The following ALMS1 variants were observed in gnomAD, a reference collection of about 807,000 sequenced individuals.
ALMS1 encodes the protein centrosome-associated protein ALMS1.
Under a neutral mutation model 352.2 loss-of-function variants are expected in ALMS1, and 271 were observed. The ratio of observed to expected loss-of-function variants is 0.77; its 90% CI spans 0.70 to 0.85. The LOEUF (loss-of-function observed/expected upper bound fraction) is 0.85, where lower values mean the gene tolerates loss of function less well. ALMS1 is among the 40% of genes least tolerant of loss of function. The pLI is 0.00. For synonymous variants in ALMS1, 1,865 were observed against 1,761.2 expected (o/e 1.06, Z -1.48); for missense variants, 5,445 against 4,870.7 (o/e 1.12, Z -3.51).
At chr2:73,408,813 T>G (rs1671021771) in intron 2 of ALMS1, 66 bp downstream of exon 2, 1 of 1,482,294 alleles carries the variant, frequency 6.7e-7, no homozygotes, top group African/African-American at 1.4e-5. Flanking sequence ...CTGATTTAGC[T>G]ATGAAGAATG....
chr2:73,440,117 A>T (rs1199462831), intron 7 of ALMS1, among the ~76,000 whole-genome samples: 1 of 152,036 alleles, frequency 6.6e-6, no homozygotes, highest in Non-Finnish European at 1.5e-5. Flanking sequence ...AGTAGCTGGG[A>T]TTACAGGTGT....
chr2:73,593,948 T>C (rs1675491337), intron 16 of ALMS1, among the ~76,000 whole-genome samples: 1 of 152,254 alleles, frequency 6.6e-6, no homozygotes, highest in African/African-American at 2.4e-5. Flanking sequence ...TTCCATTCTA[T>C]GAATATACCA....
At chr2:73,595,441 T>A (rs1322888301) in intron 16 of ALMS1, among the ~76,000 whole-genome samples, 1 of 152,218 alleles carries the variant, frequency 6.6e-6, no homozygotes, top group Non-Finnish European at 1.5e-5. Context: ...AACATCATGA[T>A]TTCAAGGTTC....
chr2:73,512,237 A>G (rs552354286), intron 10 of ALMS1, among the ~76,000 whole-genome samples: 1 of 152,094 alleles, frequency 6.6e-6, no homozygotes, highest in Admixed American at 6.6e-5. Context: ...GGTGCGTACC[A>G]CCACGCCTAG....
chr2:73,386,426 C>A (rs970384610), intron 1 of ALMS1, among the ~76,000 whole-genome samples: 1 of 152,098 alleles, frequency 6.6e-6, no homozygotes, highest in Non-Finnish European at 1.5e-5. Context: ...GCCTTTTGAA[C>A]TCCCGTAGAC....
At chr2:73,529,003 G>A (rs984436059) in intron 11 of ALMS1, among the ~76,000 whole-genome samples, 1 of 139,010 alleles carries the variant, frequency 7.2e-6, no homozygotes, top group African/African-American at 2.7e-5. Flanking sequence ...TTCTTTCTCT[G>A]TGTCATCTTG....
intron 21 of ALMS1, chr2:73,603,579 G>A: frequency 2.5e-6 from 1 of 401,270 alleles, no homozygotes; most frequent in Non-Finnish European, 4.7e-6. Flanking sequence ...AATATTTTAG[G>A]CCAGGTACGG....
At chr2:73,608,991 T>C (rs1675883054) in intron 22 of ALMS1, among the ~76,000 whole-genome samples, 1 of 152,236 alleles carries the variant, frequency 6.6e-6, no homozygotes, top group Non-Finnish European at 1.5e-5. Context: ...TCCACTTGGA[T>C]GGTCAGAGGC....
chr2:73,471,259 A>T (rs1211353699), intron 9 of ALMS1, among the ~76,000 whole-genome samples: 6 of 142,532 alleles, frequency 4.2e-5, no homozygotes, highest in Non-Finnish European at 3.1e-5. Context: ...TTCTATAGGT[A>T]TTTTCTTTGT....
intron 16 of ALMS1, among the ~76,000 whole-genome samples, chr2:73,576,626 T>A (rs1383098900): frequency 1.1e-4 from 7 of 65,370 alleles, no homozygotes; most frequent in African/African-American, 7.0e-4. Context: ...TTCTTTTTCT[T>A]TTTTTTTTTT....
chr2:73,561,427 C>G (rs1674660809), intron 15 of ALMS1, among the ~76,000 whole-genome samples: 1 of 152,174 alleles, frequency 6.6e-6, no homozygotes, highest in African/African-American at 2.4e-5. Flanking sequence ...CTGTTGCTGC[C>G]TCTGGGACAA....
chr2:73,426,383 C>T, intron 5 of ALMS1, 70 bp from the exon 6 acceptor site: 1 of 1,498,318 alleles, frequency 6.7e-7, no homozygotes, highest in Non-Finnish European at 9.3e-7. Flanking sequence ...AGGTGAAAGT[C>T]CTTCGTGTGT....
intron 18 of ALMS1, 69 bp downstream of exon 18, chr2:73,600,950 C>T (rs1166667385): frequency 7.8e-6 from 12 of 1,534,154 alleles, no homozygotes; most frequent in Non-Finnish European, 9.8e-6. Flanking sequence ...GATGCTGACT[C>T]TGTGTTTCCA....
At chr2:73,504,149 A>G (rs1228653759) in intron 10 of ALMS1, among the ~76,000 whole-genome samples, 1 of 152,192 alleles carries the variant, frequency 6.6e-6, no homozygotes, top group East Asian at 1.9e-4. Flanking sequence ...CAGCTTCCCC[A>G]TTGATAATGT....
At chr2:73,578,210 T>G (rs1238821194) in intron 16 of ALMS1, among the ~76,000 whole-genome samples, 1 of 152,178 alleles carries the variant, frequency 6.6e-6, no homozygotes, top group Non-Finnish European at 1.5e-5. Flanking sequence ...AGCTCTCTTT[T>G]GGGTAACTAT....
rs1325950841 is a variant in ALMS1 at position 73,426,517 on chromosome 2, T to C, written c.1302T>C (p.Val434=). 6.2e-7 allele frequency: 1 copy of C among 1,614,012 alleles called. No homozygotes were observed. The highest frequency in any genetic ancestry group is 8.5e-7 in the Non-Finnish European group (1 of 1,179,976). Residue 434 remains valine, a synonymous_variant, in exon 6 of 23, where the codon GTT becomes GTC. Coordinates refer to ENST00000613296, the MANE Select transcript of ALMS1 (RefSeq NM_001378454.1). The stretch of plus-strand genomic sequence containing the variant: ...TGGATGGCCTAAATGAAAATGCTGT[T>C]GTATGCAGTGAAAGAGTTGCTGAAC... ...ITLDGLNENA[V]VCSERVAELQ...
chr2:73,393,669 G>A (rs1670698162), intron 1 of ALMS1, among the ~76,000 whole-genome samples: 1 of 152,112 alleles, frequency 6.6e-6, no homozygotes. Flanking sequence ...TCTTTCTGCA[G>A]CACCATTTGT....
At chr2:73,606,564 A>G (rs1026049468) in intron 21 of ALMS1, among the ~76,000 whole-genome samples, 1 of 152,196 alleles carries the variant, frequency 6.6e-6, no homozygotes, top group Non-Finnish European at 1.5e-5. Flanking sequence ...TTCTGGAGAG[A>G]CTTTTTAAAC....
In ALMS1 at chr2:73,491,507, C is replaced by T. The variant is rs773254083; in HGVS notation, c.9539+9C>T. 1.9e-6 allele frequency: 3 copies of T among 1,613,574 alleles called. No individual in the cohort carries two copies. Among genetic ancestry groups the T allele is most frequent in the South Asian group, 1.1e-5 (1 of 91,034 alleles). On this transcript the variant is annotated intron_variant, in intron 10 of 22. Coordinates refer to ENST00000613296, the MANE Select transcript of ALMS1 (RefSeq NM_001378454.1). ...CCAGTATTTGCAGATCGGTGAGTCT[C>T]ATTGTGATAACAAGCAAGCTGGATG... is the stretch of plus-strand genomic sequence containing the variant.
Sources: gnomAD v4.1 joint callset for allele counts (sites outside exome capture counted in the v4.1 genomes callset) on GRCh38, gnomAD v4.1.1 for gene constraint, MANE v1.5 for transcripts, NCBI Gene and HGNC (gene_info 2026-07-23, HGNC 2026-07-21) for gene names.